The following ARFGEF3 variants were observed in gnomAD, a reference collection of about 807,000 sequenced individuals.
The protein encoded by ARFGEF3 is brefeldin A-inhibited guanine nucleotide-exchange protein 3.
ARFGEF3 carries 96 observed loss-of-function variants against 221.7 expected under a neutral mutation model. That is an observed-to-expected ratio of 0.43 (90% CI 0.37 to 0.51). ARFGEF3 has a LOEUF of 0.51. Among genes scored for constraint, ARFGEF3 ranks in the 20% least tolerant of loss-of-function variants. ARFGEF3 has a pLI of 0.00. For missense variants in ARFGEF3, 2,410 were observed against 2,789.9 expected (o/e 0.86, Z 3.07); for synonymous variants, 1,145 against 1,126.8 (o/e 1.02, Z -0.32).
At position 138,261,420 on chromosome 6, in the gene ARFGEF3, T is replaced by TA. The variant is rs1389045468; in HGVS notation, c.1105-106dup. On this transcript the variant is annotated intron_variant, in intron 10 of 33. Coordinates refer to ENST00000251691, the MANE Select transcript of ARFGEF3 (RefSeq NM_020340.5). ...AATAATTCTGTTTCTCCTTATACTA[T>TA]ATCACTCAGTAGGGAAAGTACATGT... 8.0e-6 allele frequency: 5 copies of TA among 626,100 alleles called. No homozygotes were observed. The African/African-American group carries it at 9.2e-5, about 12-fold the overall frequency. 38.8% of individuals were successfully genotyped at this position (626,100 alleles called of 1,614,324 possible).
chr6:138,201,307 TC>T (rs1460727002), intron 2 of ARFGEF3, among the ~76,000 whole-genome samples: 1 of 152,186 alleles, frequency 6.6e-6, no homozygotes, highest in Non-Finnish European at 1.5e-5. Context: ...GATCCAGCAA[TC>T]CCACTACTGG....
intron 2 of ARFGEF3, among the ~76,000 whole-genome samples, chr6:138,192,587 A>G (rs1348053130): frequency 6.6e-6 from 1 of 152,232 alleles, no homozygotes; most frequent in Non-Finnish European, 1.5e-5. Context: ...CCCTAGGCCT[A>G]AGGGCTGGCC....
chr6:138,238,776 C>A, intron 6 of ARFGEF3, 145 bp downstream of exon 6: 1 of 672,336 alleles, frequency 1.5e-6, no homozygotes, highest in Non-Finnish European at 2.5e-6. Flanking sequence ...TATTTGTACA[C>A]ATTAAGCTCT....
At chr6:138,191,379 G>A (rs939941462) in intron 2 of ARFGEF3, among the ~76,000 whole-genome samples, 1 of 152,182 alleles carries the variant, frequency 6.6e-6, no homozygotes, top group Non-Finnish European at 1.5e-5. Context: ...AGAGTGGGCA[G>A]TCAGTGACTG....
At chr6:138,287,612 A>G in intron 17 of ARFGEF3, among the ~76,000 whole-genome samples, 1 of 152,230 alleles carries the variant, frequency 6.6e-6, no homozygotes, top group Non-Finnish European at 1.5e-5. Context: ...CAGGAAGAAG[A>G]GGCTCTTATC....
rs1583076439 is a variant in ARFGEF3 at position 138,340,874 on chromosome 6, A to C, written c.*4388A>C. 1 of 152,204 alleles carries C rather than the reference A, an allele frequency of 6.6e-6. No homozygotes were observed. Among genetic ancestry groups the C allele is most frequent in the East Asian group, 1.9e-4 (1 of 5,198 alleles). 9.4% of individuals were successfully genotyped at this position (152,204 alleles called of 1,614,324 possible). On this transcript the variant is annotated 3_prime_UTR_variant, in exon 34 of 34. Transcript: ENST00000251691. ...TGAAAATGAGACTATTTGACATCTC[A>C]GATCTGTCTGGGATGTTATGGAGGT...
intron 12 of ARFGEF3, among the ~76,000 whole-genome samples, chr6:138,269,142 G>A (rs1296633918): frequency 1.3e-5 from 2 of 152,164 alleles, no homozygotes; most frequent in African/African-American, 4.8e-5. Flanking sequence ...CTCCCTCCTC[G>A]GGTGTCCCGC....
chr6:138,223,567 G>T (rs1436436383), intron 4 of ARFGEF3, among the ~76,000 whole-genome samples: 1 of 152,152 alleles, frequency 6.6e-6, no homozygotes, highest in Non-Finnish European at 1.5e-5. Context: ...AGAAGGAGTT[G>T]TGTGTTAATT....
chr6:138,340,961 A>G lies in ARFGEF3; in HGVS notation c.*4475A>G, dbSNP rs1408153906. 1.3e-5 allele frequency: 2 copies of G among 152,226 alleles called. No homozygotes were observed. Among genetic ancestry groups the G allele is most frequent in the Non-Finnish European group, 2.9e-5 (2 of 68,048 alleles). 9.4% of individuals were successfully genotyped at this position (152,226 alleles called of 1,614,324 possible). On this transcript the variant is annotated 3_prime_UTR_variant, in exon 34 of 34. Coordinates refer to ENST00000251691, the MANE Select transcript of ARFGEF3 (RefSeq NM_020340.5). ...GTTTATACATAAAAAAATCACATGT[A>G]ACACATTTCAAGTGTTTGAAAATAA...
chr6:138,262,252 C>T (rs1256349601), intron 11 of ARFGEF3, among the ~76,000 whole-genome samples: 1 of 149,382 alleles, frequency 6.7e-6, no homozygotes, highest in Non-Finnish European at 1.5e-5. Context: ...TGCAGTGGCA[C>T]GATCTCGGCT....
chr6:138,328,948 G>A (rs968320067), intron 32 of ARFGEF3, among the ~76,000 whole-genome samples: 3 of 152,176 alleles, frequency 2.0e-5, no homozygotes, highest in Non-Finnish European at 2.9e-5. Context: ...AGGGGGCCAC[G>A]ATTATGCCAC....
intron 22 of ARFGEF3, among the ~76,000 whole-genome samples, chr6:138,306,354 A>C (rs918764057): frequency 6.6e-6 from 1 of 152,212 alleles, no homozygotes; most frequent in African/African-American, 2.4e-5. Context: ...TCATGGATTG[A>C]AAGACTCAAT....
intron 2 of ARFGEF3, among the ~76,000 whole-genome samples, chr6:138,177,188 C>G (rs139537013): frequency 6.6e-6 from 1 of 151,942 alleles, no homozygotes. Flanking sequence ...CTCCCAGATT[C>G]AAGCAATCCT....
chr6:138,257,579 AG>A (rs2114581399), intron 10 of ARFGEF3, among the ~76,000 whole-genome samples: 1 of 152,310 alleles, frequency 6.6e-6, no homozygotes, highest in South Asian at 2.1e-4. Context: ...CCAAAGAAAA[AG>A]AAAAGGTGCA....
intron 6 of ARFGEF3, 94 bp from the exon 7 acceptor site, chr6:138,242,858 A>G: frequency 9.4e-7 from 1 of 1,067,650 alleles, no homozygotes. Flanking sequence ...GCACCCCGGA[A>G]GCCATTTTGT....
At position 138,162,746 on chromosome 6, in the gene ARFGEF3, G is replaced by T. The variant is rs1478877435; in HGVS notation, c.85+575G>T. 6.6e-6 allele frequency among the ~76,000 whole-genome samples: 1 copy of T among 152,194 alleles called. No individual in the cohort carries two copies. Among genetic ancestry groups the T allele is most frequent in the East Asian group, 1.9e-4 (1 of 5,192 alleles). On this transcript the variant is annotated intron_variant, in intron 1 of 33. Coordinates refer to ENST00000251691, the MANE Select transcript of ARFGEF3 (RefSeq NM_020340.5). This position sits in a 1 kb window ranked among gnomAD's most constrained non-coding sequence, Gnocchi z 4.7. ...TTCAGACAGGTGGGATTTTAGGGCTGTGAGCTGTGCTAGCGTTGAAGTAAG... is the reference window on the plus strand; with the variant it reads ...TTCAGACAGGTGGGATTTTAGGGCTTTGAGCTGTGCTAGCGTTGAAGTAAG...
At chr6:138,177,282 G>GTTTT (rs1485611309) in intron 2 of ARFGEF3, among the ~76,000 whole-genome samples, 1 of 151,230 alleles carries the variant, frequency 6.6e-6, no homozygotes, top group African/African-American at 2.4e-5. Context: ...TTGTTTGTTT[G>GTTTT]TTTATTTGTT....
chr6:138,220,412 A>T (rs143030118), intron 4 of ARFGEF3, among the ~76,000 whole-genome samples: 7 of 152,226 alleles, frequency 4.6e-5, no homozygotes, highest in African/African-American at 1.4e-4. Flanking sequence ...ATAATTAAGA[A>T]TTTTTTATTT....
chr6:138,255,919 T>A, intron 10 of ARFGEF3, 150 bp downstream of exon 10: 1 of 689,732 alleles, frequency 1.4e-6, no homozygotes, highest in Non-Finnish European at 2.4e-6. Context: ...GTCTCTAGAG[T>A]CAGTGCGTGT....
Sources: gnomAD v4.1 joint callset for allele counts (sites outside exome capture counted in the v4.1 genomes callset) on GRCh38, gnomAD v4.1.1 for gene constraint, Gnocchi (gnomAD v3.1) non-coding constraint, MANE v1.5 for transcripts, NCBI Gene and HGNC (gene_info 2026-07-23, HGNC 2026-07-21) for gene names.